Variants in CPM observed in about 807,000 individuals in gnomAD.
The protein encoded by CPM is carboxypeptidase M.
CPM carries 35 observed loss-of-function variants against 46.4 expected under a neutral mutation model. The observed-to-expected ratio is 0.75, with a 90% CI of 0.58 to 1.00. The LOEUF (loss-of-function observed/expected upper bound fraction) is 1.00, where lower values mean the gene tolerates loss of function less well. CPM is among the 50% of genes least tolerant of loss of function. The probability of loss-of-function intolerance (pLI) is 0.00; values close to 1 mark genes in which losing one functional copy is unlikely to be tolerated. For synonymous variants in CPM, 195 were observed against 195.3 expected, an observed-to-expected ratio of 1.00 and a Z score of 0.01; for missense variants, 422 against 530.4, an observed-to-expected ratio of 0.80 and a Z score of 2.01.
rs147373573 is a variant in CPM, at chr12:68,956,454, C to G, written c.-4+6715G>C. Among the ~76,000 whole-genome samples, 523 of 152,264 alleles carry G rather than the reference C, an allele frequency of 3.4e-3. 6 individuals are homozygous for G. Among genetic ancestry groups the G allele is most frequent in the African/African-American group, 0.011 (472 of 41,508 alleles). On this transcript the variant is annotated intron_variant, in intron 1 of 8. Transcript: ENST00000546373. The stretch of plus-strand genomic sequence containing the variant: ...CATGGAGCCTGCTGCCCCAGCCACG[C>G]CTCCCCCACTACAGCTGGCATCATG...
intron 7 of CPM, among the ~76,000 whole-genome samples, chr12:68,862,559 T>G (rs77129624): frequency 0.13 from 18,079 of 139,630 alleles, 3,968 homozygotes; most frequent in Non-Finnish European, 0.2. Flanking sequence ...CTAAAGATGG[T>G]TCTTCCAGCT....
chr12:68,948,410 A>C (rs1472592882), intron 1 of CPM, among the ~76,000 whole-genome samples: 6 of 152,124 alleles, frequency 3.9e-5, no homozygotes, highest in Non-Finnish European at 8.8e-5. Context: ...GTAACCCCAA[A>C]ATATTCAGGT....
intron 1 of CPM, among the ~76,000 whole-genome samples, chr12:68,949,876 T>G (rs1888907658): frequency 6.6e-6 from 1 of 152,204 alleles, no homozygotes; most frequent in Non-Finnish European, 1.5e-5. Flanking sequence ...TCACTGTGTT[T>G]GCTCCATTCT....
chr12:68,847,907 G>C (rs564620487), downstream of CPM: 15 of 152,376 alleles, frequency 9.8e-5, no homozygotes, highest in East Asian at 2.9e-3. Context: ...ACTCACGCCT[G>C]TAATCTCAAC....
At chr12:68,956,678 A>G (rs892012051) in intron 1 of CPM, among the ~76,000 whole-genome samples, 3 of 152,128 alleles carry the variant, frequency 2.0e-5, no homozygotes, top group South Asian at 4.1e-4. Context: ...TGCTCCACAC[A>G]TAGAACAAGT....
intron 2 of CPM, among the ~76,000 whole-genome samples, chr12:68,926,991 A>G (rs34329967): frequency 6.6e-6 from 1 of 152,070 alleles, no homozygotes; most frequent in Non-Finnish European, 1.5e-5. Context: ...GGTTCCAAGT[A>G]TTTGCTATTG....
At chr12:68,901,147 T>A (rs1431334187) in intron 2 of CPM, among the ~76,000 whole-genome samples, 1 of 152,190 alleles carries the variant, frequency 6.6e-6, no homozygotes, top group African/African-American at 2.4e-5. Flanking sequence ...GGGTTTTAAG[T>A]AAATATTTAT....
At chr12:68,913,906 A>G in intron 2 of CPM, 1 of 709,336 alleles carries the variant, frequency 1.4e-6, no homozygotes, top group Non-Finnish European at 2.7e-6. Flanking sequence ...GCAACAAGAT[A>G]TCAAAAGAAT....
intron 3 of CPM, among the ~76,000 whole-genome samples, chr12:68,884,194 G>A (rs1362802378): frequency 6.7e-6 from 1 of 148,456 alleles, no homozygotes; most frequent in Non-Finnish European, 1.5e-5. Flanking sequence ...AAAGGGAAAC[G>A]CAGTCTGAGC....
At chr12:68,843,875 A>G (rs1393954180) in intron 5 of CPM, 1 of 215,836 alleles carries the variant, frequency 4.6e-6, no homozygotes, top group African/African-American at 2.3e-5. Flanking sequence ...TTCAGCTTCA[A>G]TTTGGAGTTG....
At chr12:68,917,552 A>G (rs896861004) in intron 2 of CPM, among the ~76,000 whole-genome samples, 1 of 152,238 alleles carries the variant, frequency 6.6e-6, no homozygotes, top group African/African-American at 2.4e-5. Flanking sequence ...TAACATAGCC[A>G]GTATGTTTTA....
intron 1 of CPM, among the ~76,000 whole-genome samples, chr12:68,953,901 C>T (rs970875326): frequency 6.6e-6 from 1 of 152,248 alleles, no homozygotes; most frequent in Non-Finnish European, 1.5e-5. Context: ...TCAATGCCTT[C>T]ACCACAGAAG....
chr12:68,847,452 C>CTTTTTTTTTTTTTTTTTTTTTT (rs772905678), downstream of CPM: 24 of 88,722 alleles, frequency 2.7e-4, 5 homozygotes, highest in African/African-American at 1.4e-3. Context: ...TATCTCCTTT[C>CTTTTTTTTTTTTTTTTTTTTTT]TTTTTTTTTT....
At chr12:68,916,888 CA>C (rs779418018) in intron 2 of CPM, among the ~76,000 whole-genome samples, 3,696 of 82,124 alleles carry the variant, frequency 0.045, 123 homozygotes, top group African/African-American at 0.12. Flanking sequence ...ACTCTTGTCT[CA>C]AAAAAAAAAA....
At chr12:68,862,067 A>C (rs1885242162) in intron 7 of CPM, among the ~76,000 whole-genome samples, 1 of 141,832 alleles carries the variant, frequency 7.1e-6, no homozygotes, top group African/African-American at 2.7e-5. Flanking sequence ...GACTTGAACA[A>C]CACCTACGTA....
At chr12:68,842,305 C>T (rs1429271203) in exon 6 of CPM, 4 of 495,784 alleles carry the variant, frequency 8.1e-6, no homozygotes, top group African/African-American at 3.9e-5. Flanking sequence ...TCATCTTGAC[C>T]CCTGTTGCAG....
At chr12:68,898,336 T>G (rs951935138) in intron 2 of CPM, among the ~76,000 whole-genome samples, 4 of 152,112 alleles carry the variant, frequency 2.6e-5, no homozygotes, top group Non-Finnish European at 5.9e-5. Flanking sequence ...GGCAATTAAT[T>G]TACTAGTTTC....
chr12:68,950,001 C>G (rs879377352), intron 1 of CPM, among the ~76,000 whole-genome samples: 4 of 152,142 alleles, frequency 2.6e-5, no homozygotes, highest in Non-Finnish European at 5.9e-5. Context: ...GATTATGCAC[C>G]TGTGCCTGAG....
At chr12:68,886,403 C>T (rs957435553) in intron 2 of CPM, among the ~76,000 whole-genome samples, 6 of 151,854 alleles carry the variant, frequency 4.0e-5, no homozygotes, top group East Asian at 1.9e-4. Flanking sequence ...GAGGCCGAGG[C>T]GGGCAGATCA....
Sources: allele counts gnomAD v4.1 joint callset (sites outside exome capture counted in the v4.1 genomes callset), GRCh38; gene constraint gnomAD v4.1.1; transcripts MANE v1.5; gene names NCBI Gene and HGNC (gene_info 2026-07-23, HGNC 2026-07-21).